The following ZNF638 variants were observed in gnomAD, a reference collection of about 807,000 sequenced individuals.
ZNF638 encodes CTCL tumor antigen se33-1.
Under a neutral mutation model 195.6 loss-of-function variants are expected in ZNF638, and 46 were observed. The observed-to-expected ratio is 0.24, with a 90% CI of 0.19 to 0.30. The LOEUF (loss-of-function observed/expected upper bound fraction) is 0.30, where lower values mean the gene tolerates loss of function less well. ZNF638 is among the 10% of genes least tolerant of loss of function. The pLI, the probability that ZNF638 is intolerant of heterozygous loss-of-function variation, is 1.00. For synonymous variants in ZNF638, 845 were observed against 772.0 expected, an observed-to-expected ratio of 1.09 and a Z score of -1.57; for missense variants, 2,440 against 2,325.3, an observed-to-expected ratio of 1.05 and a Z score of -1.01.
rs558775265 is a variant in ZNF638 at position 71,332,121 on chromosome 2, C to G, written c.-203+246C>G. 2.6e-5 allele frequency among the ~76,000 whole-genome samples: 4 copies of G among 152,320 alleles called. No homozygotes were observed. The South Asian group carries it at 8.3e-4, about 32-fold the overall frequency. Reference sequence around the variant, plus strand: ...CACTTCGCTACCCGGGAGGGCCCGTCCGGGTACTCGTGAAGGACCCTGCCT... The same window carrying G: ...CACTTCGCTACCCGGGAGGGCCCGTGCGGGTACTCGTGAAGGACCCTGCCT... On this transcript the variant is annotated intron_variant, in intron 1 of 27. Transcript: ENST00000264447.
chr2:71,406,028 ACAT>A (rs2080099048), intron 18 of ZNF638, 97 bp from the exon 19 acceptor site: 17 of 1,382,200 alleles, frequency 1.2e-5, no homozygotes, highest in Non-Finnish European at 1.6e-5. Flanking sequence ...TTGGGAGAGA[ACAT>A]CATCTGACCT....
At chr2:71,365,319 G>T in intron 5 of ZNF638, 110 bp from the exon 6 acceptor site, 1 of 852,174 alleles carries the variant, frequency 1.2e-6, no homozygotes, top group Non-Finnish European at 1.7e-6. Context: ...TTTTTGTATT[G>T]TCTGTGTGCT....
At position 71,410,986 on chromosome 2, in the gene ZNF638, C is replaced by A. The variant is rs1430248389; in HGVS notation, c.3261+2739C>A. 4.2e-5 allele frequency among the ~76,000 whole-genome samples: 4 copies of A among 95,448 alleles called. 1 individual carries two copies. In the East Asian group the frequency reaches 1.1e-3, roughly 26 times the overall value. 62.6% of individuals were successfully genotyped at this position (95,448 alleles called of 152,430 possible). A position where few individuals can be genotyped will look rare whatever the true frequency, so the allele number is the denominator to read the frequency against. On this transcript the variant is annotated intron_variant, in intron 20 of 27. Coordinates refer to ENST00000264447, the MANE Select transcript of ZNF638 (RefSeq NM_014497.5). ...GTTTTTCTCCCCACCCACCACCTCC[C>A]CCCCCCTTTTTTTTTTTTTTTTTTT...
chr2:71,419,833 G>T (rs971071905), intron 21 of ZNF638, among the ~76,000 whole-genome samples: 1 of 151,594 alleles, frequency 6.6e-6, no homozygotes, highest in Non-Finnish European at 1.5e-5. Context: ...AATAGCAGTT[G>T]GTCATTGTTC....
chr2:71,406,273 C>T lies in ZNF638; in HGVS notation c.3135+11C>T, dbSNP rs780000941. The T allele has an allele frequency of 3.1e-6, 5 of 1,607,324 alleles. No individual in the cohort carries two copies. The South Asian group carries it at 3.3e-5, about 11-fold the overall frequency. On this transcript the variant is annotated intron_variant, in intron 19 of 27. Coordinates refer to ENST00000264447, the MANE Select transcript of ZNF638 (RefSeq NM_014497.5). ...AGTAATAGAAACAAGGTAACAAGTT[C>T]CCTCATAATTTAGCTATTCATTCTG... is the stretch of plus-strand genomic sequence containing the variant.
At chr2:71,385,030 T>C (rs1436792733) in intron 10 of ZNF638, among the ~76,000 whole-genome samples, 1 of 152,128 alleles carries the variant, frequency 6.6e-6, no homozygotes, top group East Asian at 1.9e-4. Context: ...GAAAGCTTCC[T>C]GTAAAAGGGG....
chr2:71,396,164 T>C lies in ZNF638; in HGVS notation c.2401T>C (p.Ser801Pro), dbSNP rs768759716. The C allele has an allele frequency of 6.2e-7, 1 of 1,613,380 alleles. No individual in the cohort carries two copies. Among genetic ancestry groups the C allele is most frequent in the South Asian group, 1.1e-5 (1 of 90,830 alleles). Residue 801 changes from serine to proline, a missense_variant, in exon 11 of 28, where the codon TCT becomes CCT. Transcript: ENST00000264447. The part of the protein sequence containing the change: ...SAAKTGQAKA[S>P]VAKVNKSTGK... ...AGCCAAAACTGGACAAGCCAAGGCA[T>C]CTGTAGCCAAAGTAAACAAATCTAC...
intron 2 of ZNF638, among the ~76,000 whole-genome samples, chr2:71,351,222 C>T (rs532229844): frequency 5.9e-5 from 9 of 152,264 alleles, no homozygotes; most frequent in African/African-American, 1.9e-4. Flanking sequence ...TGTTAACGCT[C>T]TTGTTCTTTT....
chr2:71,391,176 T>TA (rs1220943842), intron 10 of ZNF638, among the ~76,000 whole-genome samples: 3 of 152,196 alleles, frequency 2.0e-5, no homozygotes, highest in Non-Finnish European at 2.9e-5. Flanking sequence ...TTGCATGACT[T>TA]ACGGGCTATC....
intron 2 of ZNF638, among the ~76,000 whole-genome samples, chr2:71,353,946 C>A (rs551982665): frequency 6.6e-6 from 1 of 152,264 alleles, no homozygotes; most frequent in East Asian, 1.9e-4. Context: ...TATTATTAAA[C>A]AGGATGTACA....
intron 14 of ZNF638, 147 bp from the exon 15 acceptor site, chr2:71,400,331 C>A: frequency 9.6e-7 from 1 of 1,039,122 alleles, no homozygotes; most frequent in Non-Finnish European, 1.4e-6. Flanking sequence ...TTTTAAAAGC[C>A]AATGTCACTT....
intron 1 of ZNF638, chr2:71,348,432 C>T: frequency 2.0e-6 from 2 of 1,012,962 alleles, no homozygotes; most frequent in Non-Finnish European, 2.4e-6. Flanking sequence ...CCCAGTATTA[C>T]AGCGTGAAAT....
At position 71,407,879 on chromosome 2, in the gene ZNF638, A is replaced by G. The variant is rs555134081; in HGVS notation, c.3136-243A>G. 1.8e-5 allele frequency: 6 copies of G among 332,022 alleles called. No homozygotes were observed. In the South Asian group the frequency reaches 4.1e-4, roughly 23 times the overall value. 20.6% of individuals were successfully genotyped at this position (332,022 alleles called of 1,614,324 possible). A position where few individuals can be genotyped will look rare whatever the true frequency, so the allele number is the denominator to read the frequency against. ...TCTTCATTTTTAAAGCTGAGTAATAATTCTGTTTTACGCATGTAACACATT... is the reference window on the plus strand; with the variant it reads ...TCTTCATTTTTAAAGCTGAGTAATAGTTCTGTTTTACGCATGTAACACATT... On this transcript the variant is annotated intron_variant, in intron 19 of 27. Coordinates refer to ENST00000264447, the MANE Select transcript of ZNF638 (RefSeq NM_014497.5).
In ZNF638 at chr2:71,434,922, A is replaced by G. The variant is rs2080735895; in HGVS notation, c.*115A>G. 10 of 879,576 alleles carry G rather than the reference A, an allele frequency of 1.1e-5. No homozygotes were observed. In the East Asian group the frequency reaches 2.4e-4, roughly 21 times the overall value. The allele number at this position is 879,576 out of a possible 1,614,324, so 54.5% of individuals were successfully genotyped here. A position where few individuals can be genotyped will look rare whatever the true frequency, so the allele number is the denominator to read the frequency against. ...TCAGAAGCAAATATTCGTGTTGTAC[A>G]AATTTCTGATTGCCCTAAATGTAGA... On this transcript the variant is annotated 3_prime_UTR_variant, in exon 28 of 28. Transcript: ENST00000264447.
chr2:71,424,782 A>G, intron 23 of ZNF638, 67 bp downstream of exon 23: 1 of 1,285,530 alleles, frequency 7.8e-7, no homozygotes, highest in Non-Finnish European at 1.1e-6. Flanking sequence ...TCTATCTTAT[A>G]ACTTGTGCCT....
rs971961033 is a variant in ZNF638 at position 71,429,028 on chromosome 2, TAAGG to T, written c.5650+382_5650+385del. On this transcript the variant is annotated intron_variant, in intron 25 of 27. Coordinates refer to ENST00000264447, the MANE Select transcript of ZNF638 (RefSeq NM_014497.5). ...TTTATAAAATTTAACTTGAAACAAA[TAAGG>T]AAGGGTCTAGTGAGAGAGAATACTT... The T allele has an allele frequency of 4.2e-4, 71 of 168,146 alleles. 1 individual carries two copies. The highest frequency in any genetic ancestry group is 1.6e-3 in the African/African-American group (67 of 41,770). 10.4% of individuals were successfully genotyped at this position (168,146 alleles called of 1,614,324 possible).
At chr2:71,368,609 C>A in intron 7 of ZNF638, 81 bp downstream of exon 7, 1 of 1,384,068 alleles carries the variant, frequency 7.2e-7, no homozygotes, top group Non-Finnish European at 1.0e-6. Flanking sequence ...TGTTCCTTAG[C>A]TGCTTGTACT....
chr2:71,345,831 A>C (rs568411023), intron 1 of ZNF638, among the ~76,000 whole-genome samples: 1 of 152,276 alleles, frequency 6.6e-6, no homozygotes, highest in African/African-American at 2.4e-5. Context: ...TTAATATGCT[A>C]ATAGACATTG....
Position 71,365,533 on chromosome 2 carries a change from C to G in ZNF638, c.1822C>G (p.Gln608Glu). 6.2e-7 allele frequency: 1 copy of G among 1,614,084 alleles called. No homozygotes were observed. Among genetic ancestry groups the G allele is most frequent in the Non-Finnish European group, 8.5e-7 (1 of 1,180,016 alleles). The change falls in exon 6 of 28, where the codon CAA becomes GAA. Residue 608 changes from glutamine to glutamate, a missense_variant. By Grantham distance (29) the Gln-to-Glu change is conservative. Coordinates refer to ENST00000264447, the MANE Select transcript of ZNF638 (RefSeq NM_014497.5). The part of the protein sequence containing the change: ...EAADKGHSPA[Q>E]KPKTSSGTKP... ...TGCTGATAAGGGACATTCACCAGCA[C>G]AAAAGCCTAAAACTAGCAGTGGAAC...
Sources: allele counts gnomAD v4.1 joint callset (sites outside exome capture counted in the v4.1 genomes callset), GRCh38; gene constraint gnomAD v4.1.1; transcripts MANE v1.5; gene names NCBI Gene and HGNC (gene_info 2026-07-23, HGNC 2026-07-21).